EDIL3: variants seen among roughly 807,000 people sequenced by gnomAD.
EDIL3 encodes EGF like and discoidin domains 3.
Under a neutral mutation model 67.4 loss-of-function variants are expected in EDIL3, and 37 were observed. The ratio of observed to expected loss-of-function variants is 0.55; its 90% CI spans 0.42 to 0.72. The LOEUF is 0.72. Among genes scored for constraint, EDIL3 ranks in the 30% least tolerant of loss-of-function variants. The pLI is 0.00. For missense variants in EDIL3, 527 were observed against 586.3 expected, an observed-to-expected ratio of 0.90 and a Z score of 1.04; for synonymous variants, 195 against 196.3, an observed-to-expected ratio of 0.99 and a Z score of 0.05.
chr5:84,321,511 G>A (rs1021247491), intron 1 of EDIL3, among the ~76,000 whole-genome samples: 21 of 152,102 alleles, frequency 1.4e-4, no homozygotes, highest in African/African-American at 5.1e-4. Context: ...GTCTATGAAA[G>A]GCTTGCAAAT....
At chr5:84,001,704 A>G (rs1420204209) in intron 9 of EDIL3, among the ~76,000 whole-genome samples, 1 of 152,180 alleles carries the variant, frequency 6.6e-6, no homozygotes, top group Non-Finnish European at 1.5e-5. Context: ...GGAATGAATT[A>G]AACATAGTAA....
intron 3 of EDIL3, among the ~76,000 whole-genome samples, chr5:84,218,045 G>C (rs1211421300): frequency 1.3e-5 from 2 of 152,042 alleles, no homozygotes; most frequent in Non-Finnish European, 1.5e-5. Context: ...ATCAAAATTT[G>C]ATTTACACCT....
At chr5:84,174,678 G>A (rs1035880780) in intron 4 of EDIL3, among the ~76,000 whole-genome samples, 34 of 152,136 alleles carry the variant, frequency 2.2e-4, no homozygotes, top group African/African-American at 6.5e-4. Context: ...CTGACTGGGC[G>A]CAGACTGTGG....
intron 1 of EDIL3, among the ~76,000 whole-genome samples, chr5:84,274,512 T>A (rs1222552398): frequency 6.6e-6 from 1 of 152,136 alleles, no homozygotes; most frequent in African/African-American, 2.4e-5. Context: ...TTTAAGTAGT[T>A]GAAAAAATGC....
chr5:84,144,652 G>A (rs73769742), intron 4 of EDIL3, among the ~76,000 whole-genome samples: 10,446 of 151,962 alleles, frequency 0.069, 1,071 homozygotes, highest in African/African-American at 0.22. Flanking sequence ...ATTTTTCCTG[G>A]TATCAGTTGT....
At chr5:83,997,146 G>T (rs1205126291) in intron 9 of EDIL3, among the ~76,000 whole-genome samples, 1 of 152,154 alleles carries the variant, frequency 6.6e-6, no homozygotes, top group South Asian at 2.1e-4. Context: ...GGGGAAATGT[G>T]CAGTAGTTGG....
intron 9 of EDIL3, among the ~76,000 whole-genome samples, chr5:83,980,676 A>AATATAT (rs113580835): frequency 3.0e-4 from 42 of 141,054 alleles, no homozygotes; most frequent in South Asian, 4.5e-4. Flanking sequence ...GAAAGATTGA[A>AATATAT]ATATATATAT....
At chr5:84,331,026 T>C (rs754522059) in intron 1 of EDIL3, among the ~76,000 whole-genome samples, 13 of 152,208 alleles carry the variant, frequency 8.5e-5, no homozygotes, top group East Asian at 1.9e-4. Flanking sequence ...GACTGTCCTA[T>C]TGGATATTGG....
At chr5:84,293,217 C>T (rs1343413945) in intron 1 of EDIL3, among the ~76,000 whole-genome samples, 1 of 152,168 alleles carries the variant, frequency 6.6e-6, no homozygotes, top group Non-Finnish European at 1.5e-5. Context: ...TGTTTTCTCA[C>T]ACTAACAACA....
intron 6 of EDIL3, among the ~76,000 whole-genome samples, chr5:84,082,674 T>A (rs563357188): frequency 6.6e-6 from 1 of 152,218 alleles, no homozygotes; most frequent in Admixed American, 6.5e-5. Context: ...AATCTCATTG[T>A]CACATTGAAA....
At chr5:84,074,879 G>A (rs966558100) in intron 6 of EDIL3, among the ~76,000 whole-genome samples, 2 of 152,112 alleles carry the variant, frequency 1.3e-5, no homozygotes, top group African/African-American at 4.8e-5. Context: ...AAATCATGCT[G>A]CTATAAAGAC....
intron 4 of EDIL3, among the ~76,000 whole-genome samples, chr5:84,180,007 T>TA (rs1748986350): frequency 8.8e-6 from 1 of 113,200 alleles, no homozygotes; most frequent in South Asian, 3.0e-4. Flanking sequence ...TTTTGTGTTT[T>TA]GTTTTTTTTT....
At chr5:84,129,061 A>T (rs1407134668) in intron 5 of EDIL3, among the ~76,000 whole-genome samples, 2 of 152,270 alleles carry the variant, frequency 1.3e-5, no homozygotes, top group Middle Eastern at 6.8e-3. Context: ...TTACTACATT[A>T]TAACTTTAAG....
chr5:84,254,089 T>A lies in EDIL3; in HGVS notation c.191A>T (p.Glu64Val). ...FTDPNCSSVV[E>V]VASDEEEPTS... ...TACTTAAATTTTGCACTTACCAACCTCCACAACACTAGAACAGTTGGGGTC... is the reference window on the plus strand; with the variant it reads ...TACTTAAATTTTGCACTTACCAACCACCACAACACTAGAACAGTTGGGGTC... The change falls in exon 2 of 11, where the codon GAG (glutamate) becomes GTG (valine). Residue 64 changes from glutamate to valine, a missense_variant. Coordinates refer to ENST00000296591, the MANE Select transcript of EDIL3 (RefSeq NM_005711.5). The A allele has an allele frequency of 6.3e-7, 1 of 1,592,868 alleles. No individual in the cohort carries two copies. Among genetic ancestry groups the A allele is most frequent in the Non-Finnish European group, 8.5e-7 (1 of 1,171,356 alleles).
chr5:83,955,622 GC>G (rs1371565999), intron 10 of EDIL3, among the ~76,000 whole-genome samples: 5 of 151,654 alleles, frequency 3.3e-5, no homozygotes, highest in African/African-American at 7.3e-5. Flanking sequence ...ATGTTTCATA[GC>G]ATCTGTACTA....
intron 1 of EDIL3, among the ~76,000 whole-genome samples, chr5:84,356,893 T>C (rs796728912): frequency 1.2e-3 from 168 of 139,654 alleles, no homozygotes; most frequent in South Asian, 9.1e-3. Flanking sequence ...TTCTTTCTTT[T>C]TTTTTTTTTT....
chr5:84,227,240 G>GA (rs36029505), intron 3 of EDIL3, among the ~76,000 whole-genome samples: 2 of 151,106 alleles, frequency 1.3e-5, no homozygotes, highest in African/African-American at 4.9e-5. Context: ...AATCAACAAG[G>GA]AAAAAAACAA....
At chr5:84,073,591 T>C (rs1226840920) in intron 6 of EDIL3, among the ~76,000 whole-genome samples, 1 of 152,136 alleles carries the variant, frequency 6.6e-6, no homozygotes, top group Non-Finnish European at 1.5e-5. Context: ...TGAACTCCCA[T>C]TCACAATTGC....
chr5:84,360,356 C>A (rs305646), intron 1 of EDIL3, among the ~76,000 whole-genome samples: 2,281 of 152,260 alleles, frequency 0.015, 66 homozygotes, highest in African/African-American at 0.052. Context: ...AATATAGGAA[C>A]AATCTTTTTG....
Sources: gnomAD v4.1 joint callset for allele counts (sites outside exome capture counted in the v4.1 genomes callset) on GRCh38, gnomAD v4.1.1 for gene constraint, MANE v1.5 for transcripts, NCBI Gene and HGNC (gene_info 2026-07-23, HGNC 2026-07-21) for gene names.